The following CPVL variants were observed in gnomAD, a reference collection of about 807,000 sequenced individuals.
CPVL encodes the protein carboxypeptidase vitellogenic like, also known as probable serine carboxypeptidase CPVL.
A neutral mutation model predicts 63.7 loss-of-function variants in CPVL; 51 were observed. The observed-to-expected ratio is 0.80, with a 90% confidence interval of 0.64 to 1.01. CPVL has a LOEUF of 1.01. Among genes scored for constraint, CPVL ranks in the 50% least tolerant of loss-of-function variants. The pLI, the probability that CPVL is intolerant of heterozygous loss-of-function variation, is 0.00. For missense variants in CPVL, 530 were observed against 573.1 expected (o/e 0.92, Z 0.77); for synonymous variants, 195 against 206.0 (o/e 0.95, Z 0.46).
chr7:29,130,706 G>A (rs559965188), intron 1 of CPVL, among the ~76,000 whole-genome samples: 11 of 152,140 alleles, frequency 7.2e-5, no homozygotes, highest in Non-Finnish European at 1.3e-4. Context: ...CAAAGTCCAC[G>A]TATTTTCCAT....
At chr7:28,996,248 T>C (rs1784049767) in intron 12 of CPVL, 2 of 176,286 alleles carry the variant, frequency 1.1e-5, no homozygotes, top group South Asian at 2.9e-4. Flanking sequence ...CCACTACTTC[T>C]GGGGTATGTG....
intron 2 of CPVL, 86 bp from the exon 3 acceptor site, chr7:29,112,908 T>A: frequency 2.2e-6 from 2 of 921,944 alleles, no homozygotes; most frequent in Non-Finnish European, 3.6e-6. Context: ...CTGGATGAAA[T>A]GGAGTGATTA....
At chr7:29,129,924 T>C (rs1417745397) in intron 1 of CPVL, among the ~76,000 whole-genome samples, 1 of 152,136 alleles carries the variant, frequency 6.6e-6, no homozygotes, top group Non-Finnish European at 1.5e-5. Context: ...AGACACTAAG[T>C]GATGTATCTA....
intron 11 of CPVL, among the ~76,000 whole-genome samples, chr7:29,032,961 T>C (rs998066813): frequency 6.6e-6 from 1 of 152,212 alleles, no homozygotes; most frequent in Non-Finnish European, 1.5e-5. Context: ...CTTATCTTGT[T>C]AGTCAAGACT....
intron 5 of CPVL, among the ~76,000 whole-genome samples, chr7:29,162,661 CAAAAAA>C (rs35159645): frequency 1.7e-5 from 1 of 58,360 alleles, no homozygotes; most frequent in Non-Finnish European, 4.5e-5. Flanking sequence ...AACTCCATCT[CAAAAAA>C]AAAAAAAAAA....
At chr7:29,110,839 C>CA (rs1399369218) in intron 3 of CPVL, among the ~76,000 whole-genome samples, 1 of 152,152 alleles carries the variant, frequency 6.6e-6, no homozygotes, top group Non-Finnish European at 1.5e-5. Flanking sequence ...TTTTAGAAGA[C>CA]AGAGGTAGAA....
chr7:29,012,615 C>T (rs1266198355), intron 12 of CPVL: 1 of 152,166 alleles, frequency 6.6e-6, no homozygotes, highest in African/African-American at 2.4e-5. Context: ...AAGACAGAGA[C>T]AATGCTTCAG....
At chr7:29,061,578 G>A (rs1431490894) in intron 11 of CPVL, among the ~76,000 whole-genome samples, 1 of 152,150 alleles carries the variant, frequency 6.6e-6, no homozygotes, top group Admixed American at 6.5e-5. Context: ...CATAAGGAGA[G>A]TTTATGTCAT....
At chr7:29,128,741 G>GA (rs1275288706) in intron 1 of CPVL, among the ~76,000 whole-genome samples, 1 of 149,058 alleles carries the variant, frequency 6.7e-6, no homozygotes, top group African/African-American at 2.5e-5. Flanking sequence ...TTAAAAAAAA[G>GA]AAAAAAACTT....
At chr7:29,139,912 G>A (rs747842371) in intron 1 of CPVL, among the ~76,000 whole-genome samples, 12 of 152,184 alleles carry the variant, frequency 7.9e-5, no homozygotes, top group Non-Finnish European at 8.8e-5. Flanking sequence ...ACCCAGGCAG[G>A]AACACTTTTC....
chr7:29,133,694 G>A (rs1009965362), intron 1 of CPVL, among the ~76,000 whole-genome samples: 2 of 152,206 alleles, frequency 1.3e-5, no homozygotes, highest in Non-Finnish European at 2.9e-5. Flanking sequence ...TCTCTAAAAT[G>A]AGAGTAAAGA....
At chr7:29,061,414 AAAAAG>A (rs1167377181) in intron 11 of CPVL, among the ~76,000 whole-genome samples, 3 of 152,210 alleles carry the variant, frequency 2.0e-5, no homozygotes, top group East Asian at 1.9e-4. Context: ...CTCTGTCTCA[AAAAAG>A]AAAAGAAAAG....
rs558036310 is a variant in CPVL, at chr7:29,121,118, T to C, written c.-10-47A>G. 114 of 1,487,674 alleles carry C rather than the reference T, an allele frequency of 7.7e-5. 1 individual carries two copies. The South Asian group carries it at 1.4e-3, about 18-fold the overall frequency. The allele number at this position is 1,487,674 out of a possible 1,614,324, so 92.2% of individuals were successfully genotyped here. A position where few individuals can be genotyped will look rare whatever the true frequency, so the allele number is the denominator to read the frequency against. ...AAAAATGAATCATAAGAGTAAATAT[T>C]TACCTGGCCCTTTTACATGCAAGAA... On this transcript the variant is annotated intron_variant, in intron 1 of 12. Transcript: ENST00000265394.
intron 12 of CPVL, among the ~76,000 whole-genome samples, chr7:29,021,132 A>C (rs6944315): frequency 0.45 from 68,870 of 151,752 alleles, 17,265 homozygotes; most frequent in African/African-American, 0.68. Context: ...CAAGATCATG[A>C]CTGGCAGACA....
At chr7:29,050,312 A>G (rs1790017575) in intron 11 of CPVL, among the ~76,000 whole-genome samples, 1 of 152,172 alleles carries the variant, frequency 6.6e-6, no homozygotes, top group Non-Finnish European at 1.5e-5. Flanking sequence ...AAGCTTCTGG[A>G]TACAAGATTA....
At chr7:29,053,515 A>C (rs1414098964) in intron 11 of CPVL, among the ~76,000 whole-genome samples, 4 of 152,224 alleles carry the variant, frequency 2.6e-5, no homozygotes, top group Non-Finnish European at 5.9e-5. Flanking sequence ...CATTTATAAG[A>C]AATATCCAAA....
intron 1 of CPVL, among the ~76,000 whole-genome samples, chr7:29,136,901 T>C (rs1791284183): frequency 6.6e-6 from 1 of 152,206 alleles, no homozygotes; most frequent in Non-Finnish European, 1.5e-5. Flanking sequence ...TCTCTGGCCC[T>C]GCATTCCCAC....
In CPVL at chr7:29,123,597, G is replaced by GAAA. The variant is rs778757980; in HGVS notation, c.-10-2529_-10-2527dup. 1.9e-3 allele frequency among the ~76,000 whole-genome samples: 77 copies of GAAA among 41,256 alleles called. 6 individuals are homozygous for GAAA. Among genetic ancestry groups the GAAA allele is most frequent in the Non-Finnish European group, 3.1e-3 (65 of 20,788 alleles). 27.1% of individuals were successfully genotyped at this position (41,256 alleles called of 152,430 possible). ...ACAATCTTACTCTCTAACTGGTTCAGAAAAAAAAAAAAAAAAAAAAAAAAA... is the reference window on the plus strand; with the variant it reads ...ACAATCTTACTCTCTAACTGGTTCAGAAAAAAAAAAAAAAAAAAAAAAAAAAAA... On this transcript the variant is annotated intron_variant, in intron 1 of 12. Transcript: ENST00000265394.
At chr7:29,182,300 A>G (rs2128743857) in intron 4 of CPVL, among the ~76,000 whole-genome samples, 1 of 152,318 alleles carries the variant, frequency 6.6e-6, no homozygotes, top group East Asian at 1.9e-4. Flanking sequence ...CAATGCCTTA[A>G]AAGAGTTGTA....
Sources: allele counts gnomAD v4.1 joint callset (sites outside exome capture counted in the v4.1 genomes callset), GRCh38; gene constraint gnomAD v4.1.1; transcripts MANE v1.5; gene names NCBI Gene and HGNC (gene_info 2026-07-23, HGNC 2026-07-21).